Variants in CHST11 observed in about 807,000 individuals in gnomAD.
The protein encoded by CHST11 is carbohydrate sulfotransferase 11.
CHST11 carries 9 observed loss-of-function variants against 30.4 expected under a neutral mutation model. The observed-to-expected ratio is 0.30, with a 90% CI of 0.18 to 0.52. The LOEUF (loss-of-function observed/expected upper bound fraction) is 0.52. Ranked by LOEUF, CHST11 falls within the 20% of genes least tolerant of loss-of-function variation. The pLI is 0.97. For missense variants in CHST11, 348 were observed against 460.6 expected, an observed-to-expected ratio of 0.76 and a Z score of 2.24; for synonymous variants, 152 against 187.8, an observed-to-expected ratio of 0.81 and a Z score of 1.56.
intron 1 of CHST11, among the ~76,000 whole-genome samples, chr12:104,564,912 C>T (rs1251049636): frequency 6.6e-6 from 1 of 152,086 alleles, no homozygotes; most frequent in Non-Finnish European, 1.5e-5. Flanking sequence ...CTTTATGAAA[C>T]CATGAGATCT....
intron 2 of CHST11, among the ~76,000 whole-genome samples, chr12:104,662,690 A>G (rs2039608129): frequency 6.6e-6 from 1 of 152,182 alleles, no homozygotes; most frequent in South Asian, 2.1e-4. Flanking sequence ...GTCTTTTGAG[A>G]AGAAAGAAAA....
chr12:104,608,834 G>A (rs964811207), intron 2 of CHST11, among the ~76,000 whole-genome samples: 2 of 152,256 alleles, frequency 1.3e-5, no homozygotes, highest in Middle Eastern at 3.4e-3. Flanking sequence ...TTGTGGGTTC[G>A]ATGCCTATAG....
intron 1 of CHST11, among the ~76,000 whole-genome samples, chr12:104,473,187 G>A (rs1468507523): frequency 3.9e-5 from 6 of 151,998 alleles, no homozygotes; most frequent in Admixed American, 1.3e-4. Context: ...TTTGGAAATC[G>A]TTTCTATTAT....
At chr12:104,727,784 C>T (rs1019874022) in intron 2 of CHST11, among the ~76,000 whole-genome samples, 2 of 152,142 alleles carry the variant, frequency 1.3e-5, no homozygotes, top group South Asian at 2.1e-4. Context: ...AAATGGCAAA[C>T]GAGCTCCTTG....
intron 2 of CHST11, among the ~76,000 whole-genome samples, chr12:104,723,875 A>G (rs1349730881): frequency 6.6e-6 from 1 of 152,252 alleles, no homozygotes; most frequent in African/African-American, 2.4e-5. Context: ...AAATTTTGAC[A>G]CAAGCTATGT....
At chr12:104,576,489 T>C (rs901560225) in intron 1 of CHST11, among the ~76,000 whole-genome samples, 3 of 152,254 alleles carry the variant, frequency 2.0e-5, no homozygotes, top group African/African-American at 7.2e-5. Context: ...CAGAACCATA[T>C]ATATGAGCCT....
chr12:104,743,640 G>A (rs887230562), intron 2 of CHST11, among the ~76,000 whole-genome samples: 9 of 152,052 alleles, frequency 5.9e-5, no homozygotes, highest in African/African-American at 1.2e-4. Flanking sequence ...AAGTTCAGGG[G>A]CACATATGCA....
intron 2 of CHST11, among the ~76,000 whole-genome samples, chr12:104,726,945 G>C (rs1297782532): frequency 6.6e-6 from 1 of 152,186 alleles, no homozygotes; most frequent in African/African-American, 2.4e-5. Context: ...GGCTATTAGG[G>C]ACATGCCTGG....
intron 2 of CHST11, among the ~76,000 whole-genome samples, chr12:104,731,399 A>G (rs2040256716): frequency 6.6e-6 from 1 of 152,222 alleles, no homozygotes; most frequent in Non-Finnish European, 1.5e-5. Flanking sequence ...GTGGCTGTCT[A>G]TGCTGCTGAG....
At chr12:104,747,798 C>T (rs1348513132) in intron 2 of CHST11, among the ~76,000 whole-genome samples, 3 of 152,112 alleles carry the variant, frequency 2.0e-5, no homozygotes, top group East Asian at 3.9e-4. Flanking sequence ...GCATGTCCCC[C>T]GACTCTGCCC....
rs114819591 is a variant in CHST11 at position 104,731,705 on chromosome 12, A to T, written c.205-25244A>T. ...ATGTCCACCTCTCAGGGTTGAAAGG[A>T]TTCGGGGTATAATGTGTCCAGTTTC... On this transcript the variant is annotated intron_variant, in intron 2 of 2. Transcript: ENST00000303694. Among the ~76,000 whole-genome samples, 805 of 152,300 alleles carry T rather than the reference A, an allele frequency of 5.3e-3. 5 individuals are homozygous for T. The highest frequency in any genetic ancestry group is 0.019 in the African/African-American group (772 of 41,556).
chr12:104,657,992 G>A (rs1167396524), intron 2 of CHST11, among the ~76,000 whole-genome samples: 1 of 152,170 alleles, frequency 6.6e-6, no homozygotes, highest in Non-Finnish European at 1.5e-5. Context: ...GTTCAGGGAC[G>A]CAGCCCACCT....
chr12:104,741,608 C>T (rs2040347728), intron 2 of CHST11, among the ~76,000 whole-genome samples: 1 of 152,186 alleles, frequency 6.6e-6, no homozygotes, highest in Non-Finnish European at 1.5e-5. Flanking sequence ...TTCAGACCTC[C>T]AATTTGCTTA....
chr12:104,708,392 G>A (rs1245901958), intron 2 of CHST11, among the ~76,000 whole-genome samples: 3 of 152,220 alleles, frequency 2.0e-5, no homozygotes, highest in Admixed American at 1.3e-4. Flanking sequence ...CCCTGCAGGT[G>A]TGTGGGACCC....
intron 2 of CHST11, among the ~76,000 whole-genome samples, chr12:104,635,933 T>G (rs1168964963): frequency 6.6e-6 from 1 of 152,240 alleles, no homozygotes; most frequent in Admixed American, 6.5e-5. Context: ...AACATCATTG[T>G]CATTCAACCT....
chr12:104,503,493 G>A (rs894810244), intron 1 of CHST11, among the ~76,000 whole-genome samples: 2 of 152,234 alleles, frequency 1.3e-5, no homozygotes, highest in South Asian at 2.1e-4. Context: ...GTGTGTGCAT[G>A]TTTAGGAATA....
chr12:104,717,655 C>T (rs562635007), intron 2 of CHST11, among the ~76,000 whole-genome samples: 1 of 152,284 alleles, frequency 6.6e-6, no homozygotes, highest in East Asian at 1.9e-4. Context: ...CCTGTAGTCC[C>T]AGCTACTCTC....
intron 2 of CHST11, among the ~76,000 whole-genome samples, chr12:104,731,037 C>G (rs896222625): frequency 5.3e-5 from 8 of 152,218 alleles, no homozygotes; most frequent in Non-Finnish European, 1.0e-4. Flanking sequence ...GCTGTCCGTG[C>G]TCCACTTACG....
At chr12:104,484,000 T>C (rs1449301894) in intron 1 of CHST11, among the ~76,000 whole-genome samples, 3 of 152,232 alleles carry the variant, frequency 2.0e-5, no homozygotes, top group Admixed American at 6.5e-5. Flanking sequence ...TTGTTTCTAC[T>C]ACTGTCTGCG....
Sources: allele counts gnomAD v4.1 joint callset (sites outside exome capture counted in the v4.1 genomes callset), GRCh38; gene constraint gnomAD v4.1.1; transcripts MANE v1.5; gene names NCBI Gene and HGNC (gene_info 2026-07-23, HGNC 2026-07-21).